The following TLN2 variants were observed in gnomAD, a reference collection of about 807,000 sequenced individuals.
TLN2 encodes the protein talin-2.
In TLN2, 118 loss-of-function variants were observed where a neutral mutation model predicts 294.7. The ratio of observed to expected loss-of-function variants is 0.40; its 90% CI spans 0.34 to 0.47. The LOEUF is 0.47. Ranked by LOEUF, TLN2 falls within the 20% of genes least tolerant of loss-of-function variation. The probability of loss-of-function intolerance (pLI) is 0.84; values close to 1 mark genes in which losing one functional copy is unlikely to be tolerated. For missense variants in TLN2, 3,083 were observed against 3,282.2 expected (o/e 0.94, Z 1.48); for synonymous variants, 1,431 against 1,304.5 (o/e 1.10, Z -2.09).
rs114187663 is a variant in TLN2 at position 62,789,263 on chromosome 15, C to T, written c.5737-3378C>T. Among the ~76,000 whole-genome samples, 380 of 152,254 alleles carry T rather than the reference C, an allele frequency of 2.5e-3. 2 individuals are homozygous for T. Among genetic ancestry groups the T allele is most frequent in the African/African-American group, 9.0e-3 (372 of 41,558 alleles). ...ATGACAGTTGCGTGACTTGGCACAG[C>T]GCTGAATATGGAGGCAAAGCCCTGG... is the stretch of plus-strand genomic sequence containing the variant. On this transcript the variant is annotated intron_variant, in intron 45 of 58. Coordinates refer to ENST00000636159, the MANE Select transcript of TLN2 (RefSeq NM_015059.3).
intron 42 of TLN2, among the ~76,000 whole-genome samples, chr15:62,773,283 GCA>G (rs771209805): frequency 1.4e-5 from 2 of 142,310 alleles, no homozygotes; most frequent in Non-Finnish European, 3.0e-5. Flanking sequence ...CAGCCATAGA[GCA>G]CACACAGTCA....
In TLN2 at chr15:62,796,113, C is replaced by T; in HGVS notation, c.5884-14C>T. The T allele has an allele frequency of 2.5e-6, 4 of 1,611,716 alleles. No individual in the cohort carries two copies. The highest frequency in any genetic ancestry group is 2.2e-5 in the South Asian group (2 of 90,604). Reference sequence around the variant, plus strand: ...CATTTCTTAGCTCCCCTCACATTCCCTTTCTGCCTACAGGTCTCCTTGGTG... The same window carrying T: ...CATTTCTTAGCTCCCCTCACATTCCTTTTCTGCCTACAGGTCTCCTTGGTG... On this transcript the variant is annotated splice_polypyrimidine_tract_variant and intron_variant, in intron 46 of 58. Transcript: ENST00000636159.
chr15:62,840,119 G>A (rs909151552), intron 58 of TLN2, among the ~76,000 whole-genome samples: 1 of 152,162 alleles, frequency 6.6e-6, no homozygotes, highest in African/African-American at 2.4e-5. Context: ...ACATTGCTCA[G>A]CTTCAGATTT....
chr15:62,532,993 C>G (rs2041131637), intron 1 of TLN2, among the ~76,000 whole-genome samples: 1 of 152,048 alleles, frequency 6.6e-6, no homozygotes, highest in Non-Finnish European at 1.5e-5. Flanking sequence ...ATGGCTCACA[C>G]CTGTTATCCC....
At chr15:62,415,087 T>TTAG (rs2140261374) in intron 1 of TLN2, among the ~76,000 whole-genome samples, 1 of 140,138 alleles carries the variant, frequency 7.1e-6, no homozygotes, top group African/African-American at 2.5e-5. Flanking sequence ...TTTTGTATTT[T>TTAG]TAGTAGAGAC....
intron 1 of TLN2, among the ~76,000 whole-genome samples, chr15:62,505,735 A>C (rs1396935465): frequency 6.6e-6 from 1 of 152,210 alleles, no homozygotes; most frequent in African/African-American, 2.4e-5. Context: ...GGAGCAAATT[A>C]AGGAATTTAC....
rs533010053 is a variant in TLN2 at position 62,600,347 on chromosome 15, C to G, written c.-162+10585C>G. Among the ~76,000 whole-genome samples, 10 of 152,258 alleles carry G rather than the reference C, an allele frequency of 6.6e-5. No individual in the cohort carries two copies. In the East Asian group the frequency reaches 1.9e-3, roughly 29 times the overall value. ...ACATTAGGCAAAAATTCCTTATAGA[C>G]AAAATTGTTCGTGAATACCCCTTAG... On this transcript the variant is annotated intron_variant, in intron 2 of 58. Transcript: ENST00000636159.
At chr15:62,654,685 G>T (rs577908878) in intron 7 of TLN2, among the ~76,000 whole-genome samples, 273 of 149,672 alleles carry the variant, frequency 1.8e-3, no homozygotes, top group African/African-American at 6.3e-3. Context: ...AACCCGGGAG[G>T]TGGAGGTTGC....
chr15:62,663,874 C>T (rs1413135183), intron 9 of TLN2, among the ~76,000 whole-genome samples: 4 of 151,918 alleles, frequency 2.6e-5, no homozygotes, highest in Admixed American at 2.6e-4. Context: ...AGTTCAATTC[C>T]AGTCACTTAC....
chr15:62,548,154 C>T lies in TLN2; in HGVS notation c.-237-41533C>T, dbSNP rs143513814. ...GAAAATTATGGTCCTGGATGTCTGCCCTCGGAGGGATTAGGACTCCAGCCT... is the reference window on the plus strand; with the variant it reads ...GAAAATTATGGTCCTGGATGTCTGCTCTCGGAGGGATTAGGACTCCAGCCT... On this transcript the variant is annotated intron_variant, in intron 1 of 58. Coordinates refer to ENST00000636159, the MANE Select transcript of TLN2 (RefSeq NM_015059.3). 4.3e-4 allele frequency among the ~76,000 whole-genome samples: 66 copies of T among 152,190 alleles called. No individual in the cohort carries two copies. In the East Asian group the frequency reaches 0.012, roughly 28 times the overall value.
chr15:62,563,305 G>A (rs936203121), intron 1 of TLN2, among the ~76,000 whole-genome samples: 1 of 152,084 alleles, frequency 6.6e-6, no homozygotes, highest in African/African-American at 2.4e-5. Context: ...GGAGTAAAGT[G>A]GTATTGCATT....
intron 28 of TLN2, among the ~76,000 whole-genome samples, chr15:62,736,574 C>T (rs1191116697): frequency 2.0e-5 from 3 of 152,182 alleles, no homozygotes; most frequent in Non-Finnish European, 4.4e-5. Flanking sequence ...CATCTGTGTA[C>T]TCACTGCCAT....
At chr15:62,443,992 CAAAT>C (rs1023025831) in intron 1 of TLN2, among the ~76,000 whole-genome samples, 9 of 152,108 alleles carry the variant, frequency 5.9e-5, no homozygotes, top group Admixed American at 3.3e-4. Context: ...TGTCTCAAAA[CAAAT>C]AAAGGGGAGA....
chr15:62,651,968 C>T, intron 5 of TLN2, 37 bp from the exon 6 acceptor site: 1 of 1,531,886 alleles, frequency 6.5e-7, no homozygotes, highest in Non-Finnish European at 8.8e-7. Flanking sequence ...TTATTTTCCC[C>T]ACACAGTGTG....
At chr15:62,766,467 C>G (rs1476045736) in intron 41 of TLN2, 45 bp downstream of exon 41, 2 of 1,548,078 alleles carry the variant, frequency 1.3e-6, no homozygotes, top group South Asian at 1.1e-5. Flanking sequence ...CGTGTTATCA[C>G]AGGAGAGAGG....
At chr15:62,591,806 C>T (rs550901762) in intron 2 of TLN2, among the ~76,000 whole-genome samples, 10 of 152,072 alleles carry the variant, frequency 6.6e-5, no homozygotes, top group South Asian at 2.1e-4. Context: ...CTCAGAGTTC[C>T]GAGCTGATGG....
At chr15:62,680,909 T>A (rs993018713) in intron 11 of TLN2, among the ~76,000 whole-genome samples, 1 of 152,204 alleles carries the variant, frequency 6.6e-6, no homozygotes, top group Non-Finnish European at 1.5e-5. Flanking sequence ...GGACATTATT[T>A]TGTTCTTTTT....
chr15:62,425,721 C>T (rs761497693), intron 1 of TLN2, among the ~76,000 whole-genome samples: 4 of 152,172 alleles, frequency 2.6e-5, no homozygotes, highest in Non-Finnish European at 4.4e-5. Context: ...AATTTCACCT[C>T]GTGCAAGTGC....
At chr15:62,649,274 G>T in intron 4 of TLN2, among the ~76,000 whole-genome samples, 2 of 148,614 alleles carry the variant, frequency 1.3e-5, no homozygotes, top group African/African-American at 2.5e-5. Context: ...CCCTTTTTCT[G>T]TTGTTTTTCT....
Sources: gnomAD v4.1 joint callset for allele counts (sites outside exome capture counted in the v4.1 genomes callset) on GRCh38, gnomAD v4.1.1 for gene constraint, MANE v1.5 for transcripts, NCBI Gene and HGNC (gene_info 2026-07-23, HGNC 2026-07-21) for gene names.